CEP63: variants seen among roughly 807,000 people sequenced by gnomAD.
The protein encoded by CEP63 is centrosomal protein of 63 kDa.
A neutral mutation model predicts 89.1 loss-of-function variants in CEP63; 84 were observed. The ratio of observed to expected loss-of-function variants is 0.94; its 90% CI spans 0.79 to 1.13. The LOEUF (loss-of-function observed/expected upper bound fraction) is 1.13, where lower values mean the gene tolerates loss of function less well. CEP63 is among the 50% of genes most tolerant of loss of function. CEP63 has a pLI of 0.00. For missense variants in CEP63, 838 were observed against 813.3 expected, an observed-to-expected ratio of 1.03 and a Z score of -0.37; for synonymous variants, 267 against 272.5, an observed-to-expected ratio of 0.98 and a Z score of 0.20.
At position 134,561,776 on chromosome 3, in the gene CEP63, T is replaced by A. The variant is rs574920736; in HGVS notation, c.*241T>A. The A allele has an allele frequency of 3.8e-6, 5 of 1,315,434 alleles. No individual in the cohort carries two copies. The highest frequency in any genetic ancestry group is 3.4e-5 in the Admixed American group (1 of 29,372). 81.5% of individuals were successfully genotyped at this position (1,315,434 alleles called of 1,614,324 possible). On this transcript the variant is annotated 3_prime_UTR_variant, in exon 15 of 15. Coordinates refer to ENST00000675561, the MANE Select transcript of CEP63 (RefSeq NM_001353108.3). Reference sequence around the variant, plus strand: ...TAAACCACTTTGCTAGACTTTTTTCTCATACGAATATTTATTATCATAAAG... The same window carrying A: ...TAAACCACTTTGCTAGACTTTTTTCACATACGAATATTTATTATCATAAAG...
chr3:134,573,456 A>G (rs182603450), intron 11 of CEP63, among the ~76,000 whole-genome samples: 24 of 152,284 alleles, frequency 1.6e-4, no homozygotes, highest in Middle Eastern at 3.4e-3. Flanking sequence ...TCCAGTTTCA[A>G]TCTTCTGCAT....
At chr3:134,575,164 T>G, downstream of CEP63, 1 of 142,734 alleles carries the variant, frequency 7.0e-6, no homozygotes, top group Non-Finnish European at 1.2e-5. Flanking sequence ...CCGTCCCCCT[T>G]CCCCTCCCTC....
chr3:134,492,229 A>G (rs1209400632), intron 1 of CEP63, among the ~76,000 whole-genome samples: 2 of 151,994 alleles, frequency 1.3e-5, no homozygotes, highest in African/African-American at 2.4e-5. Flanking sequence ...GCGCGCCACC[A>G]TGCCCGGCTA....
downstream of CEP63, among the ~76,000 whole-genome samples, chr3:134,576,904 C>G (rs62271512): frequency 2.0e-5 from 3 of 152,222 alleles, no homozygotes; most frequent in African/African-American, 7.2e-5. Flanking sequence ...GCTGGCTGCT[C>G]AATTTTTTAA....
chr3:134,771,788 TA>T, the CEP63 span, among the ~76,000 whole-genome samples: 5 of 152,256 alleles, frequency 3.3e-5, no homozygotes, highest in East Asian at 1.9e-4. Context: ...ACTTAAAGTA[TA>T]TTTTTTTTAA....
chr3:134,545,031 G>A lies in CEP63; in HGVS notation c.556-555G>A, dbSNP rs1010923893. On this transcript the variant is annotated intron_variant, in intron 6 of 14. Coordinates refer to ENST00000675561, the MANE Select transcript of CEP63 (RefSeq NM_001353108.3). Reference sequence around the variant, plus strand: ...TTGTTTTGAGACAGAGTCTCATTCTGTCACTAGGCTGCAGTGCAGTGGCGC... The same window carrying A: ...TTGTTTTGAGACAGAGTCTCATTCTATCACTAGGCTGCAGTGCAGTGGCGC... 5.3e-5 allele frequency among the ~76,000 whole-genome samples: 8 copies of A among 152,088 alleles called. No individual in the cohort carries two copies. The East Asian group carries it at 1.5e-3, about 29-fold the overall frequency.
At chr3:134,766,509 G>C in the CEP63 span, among the ~76,000 whole-genome samples, 1 of 152,198 alleles carries the variant, frequency 6.6e-6, no homozygotes, top group Non-Finnish European at 1.5e-5. Flanking sequence ...CTGGATCTTT[G>C]GTCAGGGCTA....
chr3:134,760,553 T>C, the CEP63 span, among the ~76,000 whole-genome samples: 1 of 152,138 alleles, frequency 6.6e-6, no homozygotes, highest in Non-Finnish European at 1.5e-5. Context: ...GGGAAGTAAA[T>C]GTGGTAGAAG....
At chr3:134,677,509 G>A in the CEP63 span, among the ~76,000 whole-genome samples, 1 of 152,076 alleles carries the variant, frequency 6.6e-6, no homozygotes, top group African/African-American at 2.4e-5. Context: ...ACCTCCATCT[G>A]GGGGAGCTCT....
Position 134,546,228 on chromosome 3 carries a change from A to T in CEP63, c.869A>T (p.Lys290Met), listed in dbSNP as rs527852053. The T allele has an allele frequency of 3.7e-6, 6 of 1,613,922 alleles. No homozygotes were observed. Among genetic ancestry groups the T allele is most frequent in the South Asian group, 1.1e-5 (1 of 91,068 alleles). The change falls in exon 8 of 15, where the codon AAG becomes ATG. Residue 290 changes from lysine (K) to methionine (M), a missense_variant. Transcript: ENST00000675561. ...ENLIHEARIQ[K>M]EKLQEKVKAT... ...CTCATACATGAGGCCAGAATACAAAAGGAGAAGTTACAAGAAAAAGTAAAG... is the reference window on the plus strand; with the variant it reads ...CTCATACATGAGGCCAGAATACAAATGGAGAAGTTACAAGAAAAAGTAAAG...
At chr3:134,549,754 T>TA (rs973432332) in intron 10 of CEP63, among the ~76,000 whole-genome samples, 1 of 151,980 alleles carries the variant, frequency 6.6e-6, no homozygotes, top group Admixed American at 6.6e-5. Flanking sequence ...GATTCACAAC[T>TA]AAAAAAAAGA....
At chr3:134,523,919 T>A (rs1948063000) in intron 3 of CEP63, among the ~76,000 whole-genome samples, 1 of 152,206 alleles carries the variant, frequency 6.6e-6, no homozygotes, top group Non-Finnish European at 1.5e-5. Context: ...TTCCTAGTTC[T>A]GTGAAGAATG....
the CEP63 span, among the ~76,000 whole-genome samples, chr3:134,649,239 G>C: frequency 1.3e-5 from 2 of 152,140 alleles, no homozygotes; most frequent in Non-Finnish European, 2.9e-5. Flanking sequence ...TTTTTTCTCT[G>C]TCATAGTCAC....
the CEP63 span, among the ~76,000 whole-genome samples, chr3:134,595,229 G>A: frequency 6.6e-6 from 1 of 152,172 alleles, no homozygotes; most frequent in Non-Finnish European, 1.5e-5. Context: ...CACAAGATCT[G>A]ATGATTTTAT....
intron 2 of CEP63, among the ~76,000 whole-genome samples, chr3:134,506,881 G>A (rs1171007311): frequency 7.9e-6 from 1 of 126,088 alleles, no homozygotes; most frequent in East Asian, 2.3e-4. Flanking sequence ...TCATGCCACT[G>A]CACTCCAGCC....
intron 14 of CEP63, among the ~76,000 whole-genome samples, chr3:134,559,924 C>T (rs546663700): frequency 6.6e-6 from 1 of 152,224 alleles, no homozygotes; most frequent in South Asian, 2.1e-4. Flanking sequence ...CGGTCCCTTG[C>T]TCCTTCCATT....
At chr3:134,657,734 T>C in the CEP63 span, among the ~76,000 whole-genome samples, 1 of 152,164 alleles carries the variant, frequency 6.6e-6, no homozygotes, top group Non-Finnish European at 1.5e-5. Flanking sequence ...TTGAGATATA[T>C]ATATATGAAA....
At chr3:134,774,223 C>T in the CEP63 span, among the ~76,000 whole-genome samples, 1 of 152,148 alleles carries the variant, frequency 6.6e-6, no homozygotes, top group African/African-American at 2.4e-5. Flanking sequence ...TATTTCCTCC[C>T]ACAGGGTCTC....
At position 134,562,381 on chromosome 3, in the gene CEP63, G is replaced by C. The variant is rs541344955; in HGVS notation, c.*846G>C. 4.7e-6 allele frequency: 1 copy of C among 214,624 alleles called. No individual in the cohort carries two copies. Among genetic ancestry groups the C allele is most frequent in the Non-Finnish European group, 8.0e-6 (1 of 125,060 alleles). 13.3% of individuals were successfully genotyped at this position (214,624 alleles called of 1,614,324 possible). A position where few individuals can be genotyped will look rare whatever the true frequency, so the allele number is the denominator to read the frequency against. ...CAGCATCTGAGGATCACAGGAAATA[G>C]ATCTAGCAAAGGAACTAGAATGTGC... On this transcript the variant is annotated 3_prime_UTR_variant, in exon 15 of 15. Coordinates refer to ENST00000675561, the MANE Select transcript of CEP63 (RefSeq NM_001353108.3).
Sources: allele counts gnomAD v4.1 joint callset (sites outside exome capture counted in the v4.1 genomes callset), GRCh38; gene constraint gnomAD v4.1.1; transcripts MANE v1.5; gene names NCBI Gene and HGNC (gene_info 2026-07-23, HGNC 2026-07-21).